GTF2A1: variants seen among roughly 807,000 people sequenced by gnomAD.
The protein encoded by GTF2A1 is general transcription factor IIA subunit 1, also known as transcription initiation factor IIA subunit 1.
GTF2A1 carries 12 observed loss-of-function variants against 54.1 expected under a neutral mutation model. That is an observed-to-expected ratio of 0.22 (90% confidence interval 0.14 to 0.36). GTF2A1 has a LOEUF of 0.36. Ranked by LOEUF, GTF2A1 falls within the 10% of genes least tolerant of loss-of-function variation. The pLI, the probability that GTF2A1 is intolerant of heterozygous loss-of-function variation, is 1.00. For synonymous variants in GTF2A1, 145 were observed against 152.0 expected, an observed-to-expected ratio of 0.95 and a Z score of 0.34; for missense variants, 335 against 442.2, an observed-to-expected ratio of 0.76 and a Z score of 2.17.
chr14:81,175,646 G>C lies in GTF2A1; in HGVS notation c.*4577C>G, dbSNP rs941531153. 6.6e-6 allele frequency: 1 copy of C among 151,956 alleles called. No individual in the cohort carries two copies. The highest frequency in any genetic ancestry group is 1.5e-5 in the Non-Finnish European group (1 of 67,978). 9.4% of individuals were successfully genotyped at this position (151,956 alleles called of 1,614,324 possible). A position where few individuals can be genotyped will look rare whatever the true frequency, so the allele number is the denominator to read the frequency against. The stretch of plus-strand genomic sequence containing the variant: ...AAATAACACAAAATATATTCAATAC[G>C]CAATACAAACCTCAGTAATCCAATT... On this transcript the variant is annotated 3_prime_UTR_variant, in exon 9 of 9. Transcript: ENST00000553612.
At chr14:81,187,262 G>A (rs2140149424) in intron 7 of GTF2A1, among the ~76,000 whole-genome samples, 1 of 152,028 alleles carries the variant, frequency 6.6e-6, no homozygotes, top group Middle Eastern at 3.4e-3. Flanking sequence ...GGCTGAGGCA[G>A]GAGAATGGCG....
At chr14:81,212,365 T>C (rs1198412687) in intron 2 of GTF2A1, among the ~76,000 whole-genome samples, 1 of 152,188 alleles carries the variant, frequency 6.6e-6, no homozygotes, top group African/African-American at 2.4e-5. Flanking sequence ...CACATTTACA[T>C]TCGAATATAG....
chr14:81,198,034 T>A (rs1893027308), intron 4 of GTF2A1, among the ~76,000 whole-genome samples: 2 of 152,154 alleles, frequency 1.3e-5, no homozygotes, highest in East Asian at 3.9e-4. Context: ...TCACTGGGAG[T>A]ACAGCTGACA....
At chr14:81,189,271 C>T (rs1184133155) in intron 7 of GTF2A1, among the ~76,000 whole-genome samples, 1 of 152,132 alleles carries the variant, frequency 6.6e-6, no homozygotes, top group Non-Finnish European at 1.5e-5. Flanking sequence ...CTTACATGCA[C>T]CTGTTTTGAG....
chr14:81,182,497 T>C (rs753278564), intron 8 of GTF2A1, among the ~76,000 whole-genome samples: 15 of 152,228 alleles, frequency 9.9e-5, no homozygotes, highest in Non-Finnish European at 1.5e-4. Context: ...CAGGAAATGC[T>C]GTTAACATTC....
chr14:81,219,961 G>A (rs1893581491), intron 1 of GTF2A1, among the ~76,000 whole-genome samples: 1 of 151,452 alleles, frequency 6.6e-6, no homozygotes, highest in South Asian at 2.1e-4. Flanking sequence ...CTCAGAGAAG[G>A]TTCCCAAAGC....
rs1215893848 is a variant in GTF2A1, at chr14:81,179,426, T to A, written c.*797A>T. On this transcript the variant is annotated 3_prime_UTR_variant, in exon 9 of 9. Transcript: ENST00000553612. ...AAAACTATATTCCTGAGGAGCTAGT[T>A]TGGGGTTTCTTTTTAAGGTGTGGCA... The A allele has an allele frequency of 6.6e-6, 1 of 152,202 alleles. No homozygotes were observed. Among genetic ancestry groups the A allele is most frequent in the Non-Finnish European group, 1.5e-5 (1 of 68,028 alleles). The allele number at this position is 152,202 out of a possible 1,614,324, so 9.4% of individuals were successfully genotyped here.
chr14:81,220,596 A>C lies in GTF2A1; in HGVS notation c.-78T>G. ...ACAAAACCAAAAAAAAAAAAACTAT[A>C]ACACCCGGAGGGTGACCCAAATCAC... On this transcript the variant is annotated 5_prime_UTR_variant, in exon 1 of 9. Transcript: ENST00000553612. 1 of 986,680 alleles carries C rather than the reference A, an allele frequency of 1.0e-6. No individual in the cohort carries two copies. Among genetic ancestry groups the C allele is most frequent in the Non-Finnish European group, 1.4e-6 (1 of 693,720 alleles). 61.1% of individuals were successfully genotyped at this position (986,680 alleles called of 1,614,324 possible).
Position 81,177,378 on chromosome 14 carries a change from T to C in GTF2A1, c.*2845A>G, listed in dbSNP as rs1892551330. 1 of 152,178 alleles carries C rather than the reference T, an allele frequency of 6.6e-6. No homozygotes were observed. Among genetic ancestry groups the C allele is most frequent in the Admixed American group, 6.5e-5 (1 of 15,278 alleles). 9.4% of individuals were successfully genotyped at this position (152,178 alleles called of 1,614,324 possible). On this transcript the variant is annotated 3_prime_UTR_variant, in exon 9 of 9. Coordinates refer to ENST00000553612, the MANE Select transcript of GTF2A1 (RefSeq NM_015859.4). ...TTAATTGCACATTAAAGAGTTGTTT[T>C]AGCCATATGTGGCACTCCACAGAAA...
At chr14:81,212,699 C>T (rs905884241) in intron 2 of GTF2A1, among the ~76,000 whole-genome samples, 1 of 152,148 alleles carries the variant, frequency 6.6e-6, no homozygotes, top group Admixed American at 6.5e-5. Context: ...AATTAAAGTT[C>T]GTTTTATTAA....
chr14:81,200,885 C>A (rs1444203172), intron 4 of GTF2A1, among the ~76,000 whole-genome samples: 944 of 109,830 alleles, frequency 8.6e-3, no homozygotes, highest in Middle Eastern at 0.024. Context: ...ATGTTTTATC[C>A]AAAAAAAAAA....
intron 4 of GTF2A1, among the ~76,000 whole-genome samples, chr14:81,198,962 T>C (rs1893046844): frequency 6.6e-6 from 1 of 152,156 alleles, no homozygotes; most frequent in Admixed American, 6.6e-5. Context: ...CCACTGTGTC[T>C]CCAGAATTTA....
intron 2 of GTF2A1, among the ~76,000 whole-genome samples, chr14:81,210,878 G>C (rs1017641231): frequency 6.6e-6 from 1 of 152,128 alleles, no homozygotes; most frequent in Non-Finnish European, 1.5e-5. Context: ...CACTAACATA[G>C]TATTGAAAAC....
intron 8 of GTF2A1, among the ~76,000 whole-genome samples, chr14:81,184,998 T>C (rs1892712833): frequency 6.6e-6 from 1 of 152,222 alleles, no homozygotes; most frequent in Admixed American, 6.5e-5. Flanking sequence ...TGGCTAGTTT[T>C]CACAGTATCT....
At chr14:81,195,155 GA>G in intron 6 of GTF2A1, among the ~76,000 whole-genome samples, 1 of 136,158 alleles carries the variant, frequency 7.3e-6, no homozygotes, top group African/African-American at 2.9e-5. Flanking sequence ...AAAAAAAAAA[GA>G]TGACTATAAA....
intron 8 of GTF2A1, among the ~76,000 whole-genome samples, chr14:81,184,874 G>GT (rs1345767275): frequency 2.0e-5 from 3 of 152,014 alleles, no homozygotes; most frequent in African/African-American, 2.4e-5. Context: ...TAAAAAAACT[G>GT]TATTACAATT....
Position 81,178,591 on chromosome 14 carries a change from T to C in GTF2A1, c.*1632A>G, listed in dbSNP as rs889025007. On this transcript the variant is annotated 3_prime_UTR_variant, in exon 9 of 9. Coordinates refer to ENST00000553612, the MANE Select transcript of GTF2A1 (RefSeq NM_015859.4). ...TCAAGGTGGTAAGCTGGGTGGGAAGTAGAAAAAAAAAATTTTTGCCTTTTT... is the reference window on the plus strand; with the variant it reads ...TCAAGGTGGTAAGCTGGGTGGGAAGCAGAAAAAAAAAATTTTTGCCTTTTT... The C allele has an allele frequency of 5.4e-5, 2 of 36,854 alleles. No individual in the cohort carries two copies. Among genetic ancestry groups the C allele is most frequent in the Non-Finnish European group, 1.3e-4 (2 of 15,448 alleles). The allele number at this position is 36,854 out of a possible 1,614,324, so 2.3% of individuals were successfully genotyped here.
At position 81,220,493 on chromosome 14, in the gene GTF2A1, G is replaced by A; in HGVS notation, c.26C>T (p.Thr9Ile). MANSANTNTVPKLYRSVIE... is the reference protein window; with the variant it reads MANSANTNIVPKLYRSVIE... ...GCCACCGAACCACGTCCTTACCACG[G>A]TGTTTGTATTTGCCGAGTTCGCCAT... The change falls in exon 1 of 9, where the codon ACC becomes ATC. Residue 9 changes from threonine (T) to isoleucine (I), a missense_variant. Around this residue, in one of 2 missense-constraint regions of GTF2A1, gnomAD observed 306 missense variants for 360.4 expected, o/e 0.85. Transcript: ENST00000553612. 1.9e-6 allele frequency: 3 copies of A among 1,578,870 alleles called. No homozygotes were observed. Among genetic ancestry groups the A allele is most frequent in the Non-Finnish European group, 2.6e-6 (3 of 1,161,854 alleles).
At chr14:81,218,832 C>G (rs552069211) in intron 1 of GTF2A1, among the ~76,000 whole-genome samples, 1 of 150,112 alleles carries the variant, frequency 6.7e-6, no homozygotes, top group East Asian at 1.9e-4. Context: ...TGTCTCTTCC[C>G]TCTACTCACG....
Sources: allele counts gnomAD v4.1 joint callset (sites outside exome capture counted in the v4.1 genomes callset), GRCh38; gene constraint gnomAD v4.1.1; regional missense constraint gnomAD v4.1.1; transcripts MANE v1.5; gene names NCBI Gene and HGNC (gene_info 2026-07-23, HGNC 2026-07-21).